DAP: variants seen among roughly 807,000 people sequenced by gnomAD.
DAP encodes death-associated protein 1.
In DAP, 8 loss-of-function variants were observed where a neutral mutation model predicts 13.8. The ratio of observed to expected loss-of-function variants is 0.58; its 90% CI spans 0.34 to 1.05. DAP has a LOEUF of 1.05. Among genes scored for constraint, DAP ranks in the 50% least tolerant of loss-of-function variants. The pLI is 0.03. For synonymous variants in DAP, 47 were observed against 47.5 expected (o/e 0.99, Z 0.04); for missense variants, 106 against 133.2 (o/e 0.80, Z 1.01).
intron 2 of DAP, among the ~76,000 whole-genome samples, chr5:10,689,732 A>T (rs1738254624): frequency 6.6e-6 from 1 of 152,076 alleles, no homozygotes; most frequent in Non-Finnish European, 1.5e-5. Flanking sequence ...ATTCTGCTGG[A>T]TGTGGTGCTG....
chr5:10,700,486 T>C (rs565620799), intron 2 of DAP, among the ~76,000 whole-genome samples: 1 of 152,252 alleles, frequency 6.6e-6, no homozygotes, highest in South Asian at 2.1e-4. Context: ...GGGGAGTCGT[T>C]AGGGATGGGA....
chr5:10,752,304 A>G (rs1740065900), intron 1 of DAP, among the ~76,000 whole-genome samples: 1 of 152,222 alleles, frequency 6.6e-6, no homozygotes, highest in Non-Finnish European at 1.5e-5. Flanking sequence ...AATAACAATA[A>G]TAACTCAAAG....
In DAP at chr5:10,688,662, G is replaced by GAC. The variant is rs372946276; in HGVS notation, c.153-5093_153-5092dup. Among the ~76,000 whole-genome samples, 57 of 152,230 alleles carry GAC rather than the reference G, an allele frequency of 3.7e-4. 1 individual carries two copies. In the Middle Eastern group the frequency reaches 0.014, roughly 36 times the overall value. ...CTGTACGTGTGTATTTATAAAGATT[G>GAC]ACACACACACACAACTACTGTCCCA... is the stretch of plus-strand genomic sequence containing the variant. On this transcript the variant is annotated intron_variant, in intron 2 of 3. Transcript: ENST00000230895.
chr5:10,695,264 C>T (rs181983916), intron 2 of DAP, among the ~76,000 whole-genome samples: 111 of 152,316 alleles, frequency 7.3e-4, no homozygotes, highest in East Asian at 4.3e-3. Context: ...AGCCCGCGAA[C>T]GCTCCGGCCA....
intron 2 of DAP, among the ~76,000 whole-genome samples, chr5:10,733,565 G>A (rs1057213624): frequency 6.6e-6 from 1 of 152,096 alleles, no homozygotes; most frequent in Non-Finnish European, 1.5e-5. Flanking sequence ...AATCCCTTGG[G>A]TAGAACACCA....
rs1740336823 is a variant in DAP at position 10,760,997 on chromosome 5, A to G, written c.55+17T>C. 3.3e-6 allele frequency: 4 copies of G among 1,229,106 alleles called. No homozygotes were observed. The highest frequency in any genetic ancestry group is 3.3e-4 in the Middle Eastern group (1 of 2,986). The allele number at this position is 1,229,106 out of a possible 1,614,324, so 76.1% of individuals were successfully genotyped here. ...CCCCGGCACCCGCGCGTGGAGAGAG[A>G]GGAAAAGAGTCAGTACCGGCGGGCG... On this transcript the variant is annotated intron_variant, in intron 1 of 3. Transcript: ENST00000230895.
chr5:10,710,477 CA>C (rs1361019767), intron 2 of DAP, among the ~76,000 whole-genome samples: 8 of 152,236 alleles, frequency 5.3e-5, no homozygotes, highest in Admixed American at 5.2e-4. Flanking sequence ...ATGAGGGGGC[CA>C]CAGAAGCCTT....
At position 10,761,076 on chromosome 5, in the gene DAP, C is replaced by G; in HGVS notation, c.-8G>C. ...TTCGGGAGGCGAAGACATGACGCGG[C>G]GGGGCTTCCGCGGGGCCGAGGCGGC... On this transcript the variant is annotated 5_prime_UTR_variant, in exon 1 of 4. Transcript: ENST00000230895. 8.3e-7 allele frequency: 1 copy of G among 1,210,090 alleles called. No individual in the cohort carries two copies. The allele number at this position is 1,210,090 out of a possible 1,614,324, so 75.0% of individuals were successfully genotyped here.
chr5:10,718,654 G>A (rs1739058384), intron 2 of DAP, among the ~76,000 whole-genome samples: 1 of 152,202 alleles, frequency 6.6e-6, no homozygotes, highest in African/African-American at 2.4e-5. Flanking sequence ...GCTTAACCTA[G>A]TGGTGACTCT....
chr5:10,745,202 G>A lies in DAP; in HGVS notation c.152+2973C>T, dbSNP rs182873967. Among the ~76,000 whole-genome samples, 744 of 152,258 alleles carry A rather than the reference G, an allele frequency of 4.9e-3. 7 individuals carry two copies. Among genetic ancestry groups the A allele is most frequent in the African/African-American group, 0.017 (699 of 41,540 alleles). ...ACTATTACACAGAGTACCAGGCCTC[G>A]TGGAGTGTGTTAGAAAAAGCTGTTT... On this transcript the variant is annotated intron_variant, in intron 2 of 3. Transcript: ENST00000230895.
intron 2 of DAP, among the ~76,000 whole-genome samples, chr5:10,747,181 T>C (rs1739927204): frequency 6.6e-6 from 1 of 152,234 alleles, no homozygotes; most frequent in African/African-American, 2.4e-5. Flanking sequence ...TGAGACATCA[T>C]CTGGAGACAG....
chr5:10,681,400 T>C (rs1243247676), intron 3 of DAP, among the ~76,000 whole-genome samples: 1 of 130,350 alleles, frequency 7.7e-6, no homozygotes, highest in Non-Finnish European at 1.6e-5. Flanking sequence ...GGGGTTTGTA[T>C]GTGAGGAAGC....
intron 2 of DAP, among the ~76,000 whole-genome samples, chr5:10,713,843 G>GT (rs1232401965): frequency 6.6e-6 from 1 of 152,262 alleles, no homozygotes; most frequent in African/African-American, 2.4e-5. Context: ...GTAAACAGAA[G>GT]AAAGCAGAGG....
chr5:10,736,377 T>C (rs1001376510), intron 2 of DAP, among the ~76,000 whole-genome samples: 1 of 152,190 alleles, frequency 6.6e-6, no homozygotes, highest in African/African-American at 2.4e-5. Context: ...TGAGAATGGC[T>C]TTGTCCTAAT....
At chr5:10,691,662 A>G (rs1738309578) in intron 2 of DAP, among the ~76,000 whole-genome samples, 1 of 152,236 alleles carries the variant, frequency 6.6e-6, no homozygotes, top group Non-Finnish European at 1.5e-5. Flanking sequence ...CAGGAAACAG[A>G]GAGTGAAAAC....
chr5:10,728,475 T>A (rs1458936180), intron 2 of DAP, among the ~76,000 whole-genome samples: 2 of 152,204 alleles, frequency 1.3e-5, no homozygotes, highest in East Asian at 3.8e-4. Flanking sequence ...TATGTTCTTT[T>A]GCCCTATTTT....
chr5:10,722,000 A>G (rs894177869), intron 2 of DAP, among the ~76,000 whole-genome samples: 1 of 152,190 alleles, frequency 6.6e-6, no homozygotes, highest in African/African-American at 2.4e-5. Context: ...CTGGTAGTAC[A>G]AAGGATAGTT....
chr5:10,718,797 A>G (rs1368655824), intron 2 of DAP, among the ~76,000 whole-genome samples: 1 of 152,176 alleles, frequency 6.6e-6, no homozygotes, highest in Non-Finnish European at 1.5e-5. Context: ...ACCAGAAGCA[A>G]TTTGCCTTCA....
chr5:10,760,676 A>C (rs1200424485), intron 1 of DAP, among the ~76,000 whole-genome samples: 1 of 152,218 alleles, frequency 6.6e-6, no homozygotes, highest in Non-Finnish European at 1.5e-5. Flanking sequence ...TGTATCCTCT[A>C]AGTAAATATT....
Sources: allele counts gnomAD v4.1 joint callset (sites outside exome capture counted in the v4.1 genomes callset), GRCh38; gene constraint gnomAD v4.1.1; transcripts MANE v1.5; gene names NCBI Gene and HGNC (gene_info 2026-07-23, HGNC 2026-07-21).